The following SP110 variants were observed in gnomAD, a reference collection of about 807,000 sequenced individuals.
The protein encoded by SP110 is interferon-induced protein 41, 30kD.
In SP110, 62 loss-of-function variants were observed where a neutral mutation model predicts 92.7. That is an observed-to-expected ratio of 0.67 (90% CI 0.55 to 0.83). The LOEUF (loss-of-function observed/expected upper bound fraction) is 0.83, where lower values mean the gene tolerates loss of function less well. SP110 is among the 40% of genes least tolerant of loss of function. The pLI is 0.00. For missense variants in SP110, 793 were observed against 863.9 expected, an observed-to-expected ratio of 0.92 and a Z score of 1.03; for synonymous variants, 273 against 305.3, an observed-to-expected ratio of 0.89 and a Z score of 1.10.
At chr2:230,196,543 TAA>T (rs5839363) in intron 10 of SP110, among the ~76,000 whole-genome samples, 2 of 151,838 alleles carry the variant, frequency 1.3e-5, no homozygotes, top group Admixed American at 6.6e-5. Context: ...TTCTTTTTTT[TAA>T]AATTTTATTA....
At chr2:230,178,281 T>C in intron 12 of SP110, 26 bp from the exon 13 acceptor site, 1 of 1,344,024 alleles carries the variant, frequency 7.4e-7, no homozygotes, top group Non-Finnish European at 1.1e-6. Flanking sequence ...AACAGTTTTG[T>C]GTTATTCAGT....
intron 7 of SP110, among the ~76,000 whole-genome samples, chr2:230,209,700 A>G (rs2044255566): frequency 6.6e-6 from 1 of 152,216 alleles, no homozygotes; most frequent in African/African-American, 2.4e-5. Context: ...TTTTTTCAGA[A>G]CAGGCAATTC....
At chr2:230,221,803 G>T (rs890808032), upstream of SP110, 57 of 1,312,420 alleles carry the variant, frequency 4.3e-5, no homozygotes, top group Middle Eastern at 1.8e-4. Flanking sequence ...AGATACACCA[G>T]GCAAATGCAA....
rs767104184 is a variant in SP110, at chr2:230,212,771, T to G, written c.573A>C (p.Arg191Ser). 4.3e-6 allele frequency: 7 copies of G among 1,614,132 alleles called. No homozygotes were observed. Among genetic ancestry groups the G allele is most frequent in the Non-Finnish European group, 5.9e-6 (7 of 1,180,010 alleles). ...LPLPALIQEG[R>S]STSVTNDKLT... Reference sequence around the variant, plus strand: ...GGATCTGTTTCTCACCTGAAGTGCTTCTTCCTTCCTGGATGAGTGCAGGGA... The same window carrying G: ...GGATCTGTTTCTCACCTGAAGTGCTGCTTCCTTCCTGGATGAGTGCAGGGA... Residue 191 changes from arginine to serine, a missense_variant, in exon 4 of 19, where the codon AGA becomes AGC. Transcript: ENST00000258381.
intron 14 of SP110, among the ~76,000 whole-genome samples, chr2:230,177,111 A>C (rs1422684277): frequency 6.6e-6 from 1 of 152,170 alleles, no homozygotes; most frequent in Non-Finnish European, 1.5e-5. Flanking sequence ...TGTTCTCAGG[A>C]CAGGAATAGT....
upstream of SP110, among the ~76,000 whole-genome samples, chr2:230,222,695 C>CAA (rs34703280): frequency 6.4e-5 from 8 of 124,216 alleles, no homozygotes; most frequent in African/African-American, 1.8e-4. Context: ...GACCCTGTCT[C>CAA]AAAAAAAAAA....
rs1180484881 is a variant in SP110, at chr2:230,172,151, C to T, written c.1730G>A (p.Cys577Tyr). 2.5e-6 allele frequency: 4 copies of T among 1,611,516 alleles called. No homozygotes were observed. The highest frequency in any genetic ancestry group is 3.4e-6 in the Non-Finnish European group (4 of 1,177,512). Residue 577 changes from cysteine (C) to tyrosine (Y), a missense_variant, in exon 16 of 19, where the codon TGC (cysteine) becomes TAC (tyrosine). Transcript: ENST00000258381. ...AKRMLWSCTF[C>Y]RMKRSSGSQQ... is the part of the protein sequence containing the mutation. ...GCTTCCTGAAGACCTCTTCATCCTGCAGAAGGTGCAACTCCACAGCATCCT... is the reference window on the plus strand; with the variant it reads ...GCTTCCTGAAGACCTCTTCATCCTGTAGAAGGTGCAACTCCACAGCATCCT...
At chr2:230,190,587 T>C (rs4973292) in intron 10 of SP110, among the ~76,000 whole-genome samples, 115,895 of 151,768 alleles carry the variant, frequency 0.76, 44,368 homozygotes, top group Admixed American at 0.83. Flanking sequence ...AATCTTGGCT[T>C]TTGTTGTAAT....
At chr2:230,184,277 A>G (rs1315594668) in intron 11 of SP110, among the ~76,000 whole-genome samples, 1 of 152,234 alleles carries the variant, frequency 6.6e-6, no homozygotes. Flanking sequence ...AAGGGGGGCT[A>G]CTGTATGGCC....
At chr2:230,180,604 G>A (rs185939775) in intron 12 of SP110, among the ~76,000 whole-genome samples, 1 of 152,264 alleles carries the variant, frequency 6.6e-6, no homozygotes, top group Non-Finnish European at 1.5e-5. Context: ...AATTGCCGGT[G>A]GTCACCATAT....
At chr2:230,216,173 T>C (rs1167354551) in intron 2 of SP110, among the ~76,000 whole-genome samples, 1 of 152,238 alleles carries the variant, frequency 6.6e-6, no homozygotes. Flanking sequence ...GAGTTGAATG[T>C]TGGATGGATA....
intron 7 of SP110, among the ~76,000 whole-genome samples, chr2:230,208,836 G>T (rs955268323): frequency 6.6e-6 from 1 of 152,190 alleles, no homozygotes; most frequent in Non-Finnish European, 1.5e-5. Flanking sequence ...TTGCCAGAGA[G>T]TTCTAGGAAA....
At chr2:230,217,064 G>A in intron 1 of SP110, 136 bp from the exon 2 acceptor site, 1 of 659,118 alleles carries the variant, frequency 1.5e-6, no homozygotes, top group South Asian at 1.7e-5. Context: ...TGGCCAACAT[G>A]GTGAAACTCT....
Position 230,219,984 on chromosome 2 carries a change from T to C in SP110, c.-112A>G. On this transcript the variant is annotated 5_prime_UTR_variant, in exon 1 of 19. Transcript: ENST00000258381. ...GCTAGCAGGCAAAACAGGAAGTCTG[T>C]GCTTTGACAAACGCAGTAAGGGGCC... 1.0e-6 allele frequency: 1 copy of C among 985,564 alleles called. No homozygotes were observed. The highest frequency in any genetic ancestry group is 1.2e-6 in the Non-Finnish European group (1 of 829,950). 61.1% of individuals were successfully genotyped at this position (985,564 alleles called of 1,614,324 possible). A position where few individuals can be genotyped will look rare whatever the true frequency, so the allele number is the denominator to read the frequency against.
At chr2:230,223,991 A>G (rs1047849591), upstream of SP110, among the ~76,000 whole-genome samples, 1 of 152,212 alleles carries the variant, frequency 6.6e-6, no homozygotes, top group Non-Finnish European at 1.5e-5. Flanking sequence ...AGATGGTCTG[A>G]TGGTCCTACA....
chr2:230,179,595 G>A (rs1036043112), intron 12 of SP110, among the ~76,000 whole-genome samples: 2 of 151,014 alleles, frequency 1.3e-5, no homozygotes, highest in Admixed American at 6.6e-5. Flanking sequence ...GAAATTTGCT[G>A]CCGCAGGTTC....
chr2:230,177,752 T>C lies in SP110; in HGVS notation c.1448-72A>G. The stretch of plus-strand genomic sequence containing the variant: ...TTCACCCTGAACCTCTTCATCCTAA[T>C]TGTGGCCTTCTACCTTTCCAGGTCA... On this transcript the variant is annotated intron_variant, in intron 13 of 18. Transcript: ENST00000258381. 17 of 1,536,948 alleles carry C rather than the reference T, an allele frequency of 1.1e-5. No individual in the cohort carries two copies. The South Asian group carries it at 1.8e-4, about 16-fold the overall frequency.
chr2:230,169,168 C>T lies in SP110; in HGVS notation c.2098G>A (p.Gly700Ser), dbSNP rs141900135. 1.2e-5 allele frequency: 19 copies of T among 1,613,814 alleles called. No individual in the cohort carries two copies. Among genetic ancestry groups the T allele is most frequent in the African/African-American group, 4.0e-5 (3 of 74,868 alleles). Residue 700 changes from glycine (G) to serine (S), a missense_variant, in exon 19 of 19, where the codon GGT (glycine) becomes AGT (serine). Transcript: ENST00000258381. ...EFEKDLKDVL[G>S]FHEANDGGFW... The stretch of plus-strand genomic sequence containing the variant: ...CCGCCGTCATTGGCTTCATGAAAAC[C>T]GAGCACGTCTTTGAGATCTTTTTCA...
intron 11 of SP110, among the ~76,000 whole-genome samples, chr2:230,184,508 T>G (rs540063299): frequency 6.6e-6 from 1 of 152,312 alleles, no homozygotes; most frequent in East Asian, 1.9e-4. Context: ...AAGCAAAGAA[T>G]TATTCAGTCC....
Sources: allele counts gnomAD v4.1 joint callset (sites outside exome capture counted in the v4.1 genomes callset), GRCh38; gene constraint gnomAD v4.1.1; transcripts MANE v1.5; gene names NCBI Gene and HGNC (gene_info 2026-07-23, HGNC 2026-07-21).